The following LINGO2 variants were observed in gnomAD, a reference collection of about 807,000 sequenced individuals.
The protein encoded by LINGO2 is leucine rich repeat and Ig domain containing 2.
Under a neutral mutation model 30.6 loss-of-function variants are expected in LINGO2, and 14 were observed. That is an observed-to-expected ratio of 0.46 (90% CI 0.30 to 0.72). LINGO2 has a LOEUF of 0.72. Ranked by LOEUF, LINGO2 falls within the 30% of genes least tolerant of loss-of-function variation. LINGO2 has a pLI of 0.07. For synonymous variants in LINGO2, 317 were observed against 288.5 expected, an observed-to-expected ratio of 1.10 and a Z score of -1.00; for missense variants, 729 against 751.7, an observed-to-expected ratio of 0.97 and a Z score of 0.35.
the LINGO2 span, among the ~76,000 whole-genome samples, chr9:28,904,305 C>T: frequency 1.6e-4 from 25 of 152,064 alleles, no homozygotes; most frequent in Middle Eastern, 3.4e-3. Context: ...AAACCAGAAT[C>T]AAGATAAAGA....
intron 4 of LINGO2, among the ~76,000 whole-genome samples, chr9:28,164,929 G>C (rs1425012797): frequency 2.0e-5 from 3 of 152,134 alleles, no homozygotes; most frequent in Non-Finnish European, 4.4e-5. Context: ...GGATATCACT[G>C]CTCCATTAAA....
chr9:28,689,487 C>T, the LINGO2 span, among the ~76,000 whole-genome samples: 1 of 151,494 alleles, frequency 6.6e-6, no homozygotes, highest in African/African-American at 2.4e-5. Flanking sequence ...TAGAGAAATG[C>T]AAATCAAAAC....
chr9:29,154,489 G>A, the LINGO2 span, among the ~76,000 whole-genome samples: 2 of 149,920 alleles, frequency 1.3e-5, no homozygotes, highest in African/African-American at 4.9e-5. Context: ...TGGCTCCAAA[G>A]GCTGAATAGG....
the LINGO2 span, among the ~76,000 whole-genome samples, chr9:29,123,799 C>T: frequency 6.6e-6 from 1 of 151,978 alleles, no homozygotes; most frequent in Non-Finnish European, 1.5e-5. Flanking sequence ...CAAATATTAA[C>T]CATTTTCCCT....
At chr9:27,945,015 A>G (rs1823309567), downstream of LINGO2, among the ~76,000 whole-genome samples, 1 of 152,134 alleles carries the variant, frequency 6.6e-6, no homozygotes, top group South Asian at 2.1e-4. Flanking sequence ...AAGTCTTGAT[A>G]TATCTTTATG....
At chr9:28,689,830 T>A in the LINGO2 span, among the ~76,000 whole-genome samples, 1 of 152,126 alleles carries the variant, frequency 6.6e-6, no homozygotes, top group African/African-American at 2.4e-5. Context: ...TAAATGACCA[T>A]CAATGATAGA....
At chr9:28,709,016 C>T in the LINGO2 span, among the ~76,000 whole-genome samples, 1 of 152,176 alleles carries the variant, frequency 6.6e-6, no homozygotes, top group East Asian at 1.9e-4. Flanking sequence ...AACCATTTTT[C>T]CTCTCCCACA....
intron 4 of LINGO2, among the ~76,000 whole-genome samples, chr9:28,262,771 T>C (rs186742778): frequency 6.6e-6 from 1 of 152,130 alleles, no homozygotes; most frequent in East Asian, 1.9e-4. Context: ...TTCTTATATA[T>C]AGGGGATTTT....
At chr9:28,325,938 A>T (rs1450243190) in intron 3 of LINGO2, among the ~76,000 whole-genome samples, 1 of 152,128 alleles carries the variant, frequency 6.6e-6, no homozygotes, top group East Asian at 1.9e-4. Flanking sequence ...CAACAGTCTT[A>T]AATAAAGTCA....
At chr9:28,816,095 G>C in the LINGO2 span, among the ~76,000 whole-genome samples, 1 of 152,282 alleles carries the variant, frequency 6.6e-6, no homozygotes, top group Non-Finnish European at 1.5e-5. Flanking sequence ...AGCCTTTTAT[G>C]AGGAATCCGC....
At chr9:28,172,318 G>A (rs1828624999) in intron 4 of LINGO2, among the ~76,000 whole-genome samples, 1 of 149,784 alleles carries the variant, frequency 6.7e-6, no homozygotes, top group Non-Finnish European at 1.5e-5. Flanking sequence ...GTGAACCCGG[G>A]AGGCGGAGCT....
intron 4 of LINGO2, among the ~76,000 whole-genome samples, chr9:28,052,925 A>C (rs117197046): frequency 5.9e-5 from 9 of 152,106 alleles, no homozygotes; most frequent in Non-Finnish European, 1.2e-4. Flanking sequence ...ACAAGTAAAA[A>C]TCTGTATTCA....
chr9:28,306,420 G>A (rs1313403304), intron 3 of LINGO2, among the ~76,000 whole-genome samples: 1 of 152,086 alleles, frequency 6.6e-6, no homozygotes, highest in African/African-American at 2.4e-5. Context: ...CTGGGACACA[G>A]TCAAAACAGT....
the LINGO2 span, among the ~76,000 whole-genome samples, chr9:28,836,633 T>G: frequency 6.6e-6 from 1 of 151,764 alleles, no homozygotes; most frequent in Admixed American, 6.6e-5. Flanking sequence ...TATTTTTAAT[T>G]TTTTAAAATT....
the LINGO2 span, among the ~76,000 whole-genome samples, chr9:28,935,108 CA>C: frequency 4.6e-5 from 7 of 150,660 alleles, no homozygotes; most frequent in African/African-American, 7.3e-5. Context: ...ACAAAAAATA[CA>C]AAAAAAAGGA....
At chr9:28,730,358 C>T in the LINGO2 span, among the ~76,000 whole-genome samples, 1 of 152,292 alleles carries the variant, frequency 6.6e-6, no homozygotes, top group East Asian at 1.9e-4. Flanking sequence ...TCACTGCTCT[C>T]TGGGACGAGA....
chr9:28,604,931 G>A (rs1178747834), intron 1 of LINGO2, among the ~76,000 whole-genome samples: 2 of 151,942 alleles, frequency 1.3e-5, no homozygotes, highest in Non-Finnish European at 1.5e-5. Context: ...ATGCAGGTAA[G>A]CACTATTTTT....
intron 1 of LINGO2, among the ~76,000 whole-genome samples, chr9:28,584,359 C>T (rs150227373): frequency 1.3e-5 from 2 of 152,066 alleles, no homozygotes; most frequent in African/African-American, 4.8e-5. Flanking sequence ...ATTTGAAGCA[C>T]TAAAATCATA....
intron 2 of LINGO2, among the ~76,000 whole-genome samples, chr9:28,376,691 C>A (rs1368694197): frequency 1.3e-5 from 2 of 152,124 alleles, no homozygotes; most frequent in Non-Finnish European, 2.9e-5. Flanking sequence ...ATACATTGAT[C>A]CCAAGTAACT....
Sources: allele counts gnomAD v4.1 joint callset (sites outside exome capture counted in the v4.1 genomes callset), GRCh38; gene constraint gnomAD v4.1.1; transcripts MANE v1.5; gene names NCBI Gene and HGNC (gene_info 2026-07-23, HGNC 2026-07-21).